NSMAF: variants seen among roughly 807,000 people sequenced by gnomAD.
The protein encoded by NSMAF is protein FAN.
In NSMAF, 90 loss-of-function variants were observed where a neutral mutation model predicts 134.9. The observed-to-expected ratio is 0.67, with a 90% CI of 0.56 to 0.79. The LOEUF (loss-of-function observed/expected upper bound fraction) is 0.79. Among genes scored for constraint, NSMAF ranks in the 30% least tolerant of loss-of-function variants. The pLI is 0.00. For synonymous variants in NSMAF, 358 were observed against 389.6 expected, an observed-to-expected ratio of 0.92 and a Z score of 0.96; for missense variants, 1,010 against 1,119.0, an observed-to-expected ratio of 0.90 and a Z score of 1.39.
intron 1 of NSMAF, among the ~76,000 whole-genome samples, chr8:58,646,469 A>G (rs562444490): frequency 6.6e-6 from 1 of 152,338 alleles, no homozygotes; most frequent in African/African-American, 2.4e-5. Context: ...AACTAAAGTC[A>G]TTTTGGTAAG....
chr8:58,594,412 C>T lies in NSMAF; in HGVS notation c.1893-122G>A, dbSNP rs73248900. 3,877 of 840,012 alleles carry T rather than the reference C, an allele frequency of 4.6e-3. 81 individuals carry two copies. The African/African-American group carries it at 0.058, about 13-fold the overall frequency. 52.0% of individuals were successfully genotyped at this position (840,012 alleles called of 1,614,324 possible). A position where few individuals can be genotyped will look rare whatever the true frequency, so the allele number is the denominator to read the frequency against. ...ATTTTTTTCTTCACAGCATGTCTGC[C>T]GGATCTGTCCCAGCATAAACCTGCC... On this transcript the variant is annotated intron_variant, in intron 22 of 30. Coordinates refer to ENST00000038176, the MANE Select transcript of NSMAF (RefSeq NM_003580.4).
At position 58,595,657 on chromosome 8, in the gene NSMAF, C is replaced by A. The variant is rs371632202; in HGVS notation, c.1795G>T (p.Glu599Ter). 2.5e-6 allele frequency: 4 copies of A among 1,608,598 alleles called. No homozygotes were observed. Among genetic ancestry groups the A allele is most frequent in the Non-Finnish European group, 3.4e-6 (4 of 1,176,000 alleles). ...YNASMADSPG[E>*]ESFEDLTEES... ...TCGGTCAGGTCTTCAAAAGACTCTT[C>A]ACCTGGAGAGACGACATTAAATTTT... Residue 599 changes from glutamate (E) to a stop codon, truncating the protein, a stop_gained and splice_region_variant, in exon 22 of 31, where the codon GAA becomes TAA. Transcript: ENST00000038176. LOFTEE classifies it high-confidence loss of function.
At chr8:58,589,146 TATA>T (rs1805963980) in intron 26 of NSMAF, among the ~76,000 whole-genome samples, 2 of 148,252 alleles carry the variant, frequency 1.3e-5, no homozygotes, top group African/African-American at 4.9e-5. Context: ...TTAAAAAATA[TATA>T]ATATGTATTA....
At chr8:58,656,712 C>A (rs1053432220) in intron 1 of NSMAF, among the ~76,000 whole-genome samples, 6 of 152,034 alleles carry the variant, frequency 3.9e-5, no homozygotes, top group African/African-American at 1.5e-4. Context: ...CGCCTGTAGT[C>A]CCAGCTACTT....
rs370236509 is a variant in NSMAF, at chr8:58,597,551, C to T, written c.1629-1G>A. 4.3e-6 allele frequency: 7 copies of T among 1,613,806 alleles called. No individual in the cohort carries two copies. Among genetic ancestry groups the T allele is most frequent in the South Asian group, 1.1e-5 (1 of 91,058 alleles). Reference sequence around the variant, plus strand: ...TACCTTCTCATCAGGATCCTGGATGCTTTGGGACAGAACACAAATAATGCA... The same window carrying T: ...TACCTTCTCATCAGGATCCTGGATGTTTTGGGACAGAACACAAATAATGCA... On this transcript the variant is annotated splice_acceptor_variant, in intron 20 of 30. Transcript: ENST00000038176. LOFTEE classifies it high-confidence loss of function.
At chr8:58,609,448 G>A (rs899593254) in intron 10 of NSMAF, among the ~76,000 whole-genome samples, 156 bp downstream of exon 10, 5 of 152,124 alleles carry the variant, frequency 3.3e-5, no homozygotes, top group African/African-American at 9.7e-5. Flanking sequence ...GATTACACAC[G>A]GTGTTTGTAA....
chr8:58,601,990 C>T, intron 14 of NSMAF, 68 bp downstream of exon 14: 1 of 1,268,854 alleles, frequency 7.9e-7, no homozygotes, highest in Non-Finnish European at 1.1e-6. Flanking sequence ...AACGAATTTC[C>T]TTCCATAAAA....
chr8:58,616,155 T>C (rs1423510330), intron 9 of NSMAF, among the ~76,000 whole-genome samples: 1 of 152,108 alleles, frequency 6.6e-6, no homozygotes. Flanking sequence ...CAAAGGACAC[T>C]TTAGACCTAG....
chr8:58,589,358 G>A, intron 26 of NSMAF, 94 bp downstream of exon 26: 2 of 1,001,024 alleles, frequency 2.0e-6, no homozygotes, highest in Non-Finnish European at 2.7e-6. Context: ...TAGTTGAGTG[G>A]CTTATAATAT....
chr8:58,595,365 T>C (rs998725794), intron 22 of NSMAF, among the ~76,000 whole-genome samples, 195 bp downstream of exon 22: 4 of 152,112 alleles, frequency 2.6e-5, no homozygotes, highest in African/African-American at 9.7e-5. Context: ...ACAAATCATT[T>C]CGTGCCAAAC....
At chr8:58,610,832 A>T (rs930865571) in intron 9 of NSMAF, among the ~76,000 whole-genome samples, 2 of 152,218 alleles carry the variant, frequency 1.3e-5, no homozygotes, top group Middle Eastern at 3.2e-3. Context: ...AAGCACAAAG[A>T]TATCTCTAGA....
In NSMAF at chr8:58,659,579, T is replaced by C. The variant is rs1050526077; in HGVS notation, c.53A>G (p.Lys18Arg). The C allele has an allele frequency of 1.3e-6, 2 of 1,526,118 alleles. No homozygotes were observed. Among genetic ancestry groups the C allele is most frequent in the East Asian group, 2.7e-5 (1 of 37,164 alleles). The allele number at this position is 1,526,118 out of a possible 1,614,324, so 94.5% of individuals were successfully genotyped here. ...QQEQQLQLYS[K>R]ERFSLLLLNL... ...TCTTCAGCTGGGCGCGCACCTCTCC[T>C]TGGAGTAGAGCTGCAGCTGCTGCTC... Residue 18 changes from lysine (K) to arginine (R), a missense_variant, in exon 1 of 31, where the codon AAG becomes AGG. Physicochemically the swap from Lys to Arg is conservative, Grantham distance 26. Transcript: ENST00000038176.
At chr8:58,586,671 T>G in intron 27 of NSMAF, 63 bp from the exon 28 acceptor site, 61 of 1,378,648 alleles carry the variant, frequency 4.4e-5, no homozygotes, top group Middle Eastern at 1.9e-4. Context: ...TATGTTTCTC[T>G]AGTCTGGTTC....
At chr8:58,657,962 C>A (rs925855980) in intron 1 of NSMAF, among the ~76,000 whole-genome samples, 1 of 152,166 alleles carries the variant, frequency 6.6e-6, no homozygotes, top group African/African-American at 2.4e-5. Flanking sequence ...TTGTGTGACA[C>A]CACGGAGCTG....
At chr8:58,647,340 G>T (rs1353984339) in intron 1 of NSMAF, among the ~76,000 whole-genome samples, 1 of 152,168 alleles carries the variant, frequency 6.6e-6, no homozygotes, top group African/African-American at 2.4e-5. Context: ...TTCTGAAAAT[G>T]ATTTCTGAAA....
At chr8:58,600,495 C>T (rs560282194) in intron 16 of NSMAF, among the ~76,000 whole-genome samples, 1 of 151,734 alleles carries the variant, frequency 6.6e-6, no homozygotes, top group Non-Finnish European at 1.5e-5. Flanking sequence ...TGGTGGCATG[C>T]GCCTGTAGTC....
chr8:58,604,785 C>G (rs960820021), intron 12 of NSMAF, among the ~76,000 whole-genome samples: 2 of 152,040 alleles, frequency 1.3e-5, no homozygotes, highest in African/African-American at 4.8e-5. Flanking sequence ...ACTCTGTCAC[C>G]CAGGCTGAAT....
At chr8:58,648,456 T>C (rs748454542) in intron 1 of NSMAF, among the ~76,000 whole-genome samples, 15 of 152,182 alleles carry the variant, frequency 9.9e-5, no homozygotes, top group South Asian at 2.1e-4. Context: ...TATGGAATAA[T>C]TGCATGCTAG....
At chr8:58,621,665 T>G (rs1179216050) in intron 9 of NSMAF, among the ~76,000 whole-genome samples, 1 of 152,234 alleles carries the variant, frequency 6.6e-6, no homozygotes, top group African/African-American at 2.4e-5. Context: ...ATTTTTAAAA[T>G]AATAGCCATT....
Sources: allele counts gnomAD v4.1 joint callset (sites outside exome capture counted in the v4.1 genomes callset), GRCh38; gene constraint gnomAD v4.1.1; transcripts MANE v1.5; gene names NCBI Gene and HGNC (gene_info 2026-07-23, HGNC 2026-07-21).